Variants in ZNF782 observed in about 807,000 individuals in gnomAD.
ZNF782 encodes the protein zinc finger protein 782.
ZNF782 carries 12 observed loss-of-function variants against 13.0 expected under a neutral mutation model. The ratio of observed to expected loss-of-function variants is 0.92; its 90% CI spans 0.59 to 1.50. ZNF782 has a LOEUF of 1.50. Among genes scored for constraint, ZNF782 ranks in the 40% most tolerant of loss-of-function variants. ZNF782 has a pLI of 0.00. For synonymous variants in ZNF782, 284 were observed against 283.0 expected, an observed-to-expected ratio of 1.00 and a Z score of -0.04; for missense variants, 770 against 822.9, an observed-to-expected ratio of 0.94 and a Z score of 0.79.
intron 2 of ZNF782, chr9:96,860,518 A>G (rs1471972303): frequency 6.6e-6 from 1 of 152,260 alleles, no homozygotes; most frequent in African/African-American, 2.4e-5. Flanking sequence ...CAAGACCACC[A>G]ATGTGGTGCC....
At chr9:96,887,187 G>A in the ZNF782 span, among the ~76,000 whole-genome samples, 54 of 150,052 alleles carry the variant, frequency 3.6e-4, no homozygotes, top group Non-Finnish European at 5.6e-4. Flanking sequence ...GGTGGCACAC[G>A]CCTGTAATCC....
At chr9:96,888,493 ATAATTT>A in the ZNF782 span, 2 of 151,738 alleles carry the variant, frequency 1.3e-5, no homozygotes, top group Non-Finnish European at 2.9e-5. Flanking sequence ...ACTACTAGAC[ATAATTT>A]TAAAAGTTAT....
chr9:96,826,154 G>C (rs1016045257), intron 5 of ZNF782, among the ~76,000 whole-genome samples: 2 of 152,118 alleles, frequency 1.3e-5, no homozygotes, highest in Non-Finnish European at 2.9e-5. Flanking sequence ...CAACCCAAAT[G>C]TCCAACAATG....
the ZNF782 span, among the ~76,000 whole-genome samples, chr9:96,897,475 T>G: frequency 6.6e-6 from 1 of 152,118 alleles, no homozygotes; most frequent in Non-Finnish European, 1.5e-5. Flanking sequence ...GTGCTGTGGC[T>G]GGGGGAGTCT....
At chr9:96,833,686 CT>C in intron 4 of ZNF782, among the ~76,000 whole-genome samples, 1 of 152,150 alleles carries the variant, frequency 6.6e-6, no homozygotes, top group Non-Finnish European at 1.5e-5. Flanking sequence ...GCATACTATA[CT>C]TTTTAGAAGA....
the ZNF782 span, among the ~76,000 whole-genome samples, chr9:96,920,668 G>C: frequency 3.3e-5 from 5 of 149,846 alleles, no homozygotes; most frequent in African/African-American, 9.9e-5. Context: ...TGTAATCCCA[G>C]CACTTTGGGA....
chr9:96,831,853 G>T (rs1273404747), intron 4 of ZNF782, among the ~76,000 whole-genome samples: 1 of 151,844 alleles, frequency 6.6e-6, no homozygotes, highest in African/African-American at 2.4e-5. Context: ...AATGTTCCAT[G>T]GTATACCTTC....
chr9:96,884,643 C>T, the ZNF782 span, among the ~76,000 whole-genome samples: 3 of 152,078 alleles, frequency 2.0e-5, no homozygotes, highest in Non-Finnish European at 2.9e-5. Context: ...TGTGAGTCAG[C>T]GTCCCACTTT....
At chr9:96,901,586 T>C in the ZNF782 span, among the ~76,000 whole-genome samples, 1 of 152,050 alleles carries the variant, frequency 6.6e-6, no homozygotes, top group Non-Finnish European at 1.5e-5. Context: ...AAAAAAACTT[T>C]ATGGAAGGTT....
intron 3 of ZNF782, among the ~76,000 whole-genome samples, chr9:96,849,507 A>G (rs1163628390): frequency 6.6e-6 from 1 of 152,250 alleles, no homozygotes; most frequent in Non-Finnish European, 1.5e-5. Flanking sequence ...CTTTATACAA[A>G]TATCAACTCA....
At chr9:96,908,205 C>T in the ZNF782 span, among the ~76,000 whole-genome samples, 6 of 151,600 alleles carry the variant, frequency 4.0e-5, no homozygotes, top group Non-Finnish European at 7.4e-5. Context: ...GGTATTGCTG[C>T]GTTGCCCATG....
chr9:96,876,943 C>CAAAAAAAAAAAAAAAAAAA (rs398011569), upstream of ZNF782, among the ~76,000 whole-genome samples: 2 of 42,816 alleles, frequency 4.7e-5, no homozygotes, highest in African/African-American at 8.6e-5. Flanking sequence ...AACTCCGACT[C>CAAAAAAAAAAAAAAAAAAA]AAAAAAAAAA....
chr9:96,909,626 A>G, the ZNF782 span, among the ~76,000 whole-genome samples: 12 of 151,812 alleles, frequency 7.9e-5, 1 homozygote, highest in African/African-American at 2.9e-4. Context: ...CTTTATTAGG[A>G]AAGCCTGAAA....
At chr9:96,932,978 CTTT>C in the ZNF782 span, among the ~76,000 whole-genome samples, 6 of 129,412 alleles carry the variant, frequency 4.6e-5, no homozygotes, top group Non-Finnish European at 9.8e-5. Context: ...CTTTTCTTTT[CTTT>C]TTTTTTTTTT....
chr9:96,901,014 G>C, the ZNF782 span, among the ~76,000 whole-genome samples: 1 of 148,510 alleles, frequency 6.7e-6, no homozygotes, highest in South Asian at 2.1e-4. Flanking sequence ...ACAAAAATTA[G>C]CTGGGCATGG....
chr9:96,830,671 T>G (rs1178753213), intron 4 of ZNF782, among the ~76,000 whole-genome samples: 1 of 152,142 alleles, frequency 6.6e-6, no homozygotes, highest in Non-Finnish European at 1.5e-5. Context: ...AATTTCCAAA[T>G]AGGTTCAATC....
the ZNF782 span, chr9:96,888,882 TC>T: frequency 6.6e-6 from 1 of 152,244 alleles, no homozygotes; most frequent in African/African-American, 2.4e-5. Context: ...GCCAGATGGA[TC>T]CCACAACTGG....
chr9:96,896,277 G>A, the ZNF782 span, among the ~76,000 whole-genome samples: 3 of 152,082 alleles, frequency 2.0e-5, no homozygotes, highest in Non-Finnish European at 2.9e-5. Context: ...ATACACCTTC[G>A]TTGTCCTACC....
upstream of ZNF782, among the ~76,000 whole-genome samples, chr9:96,878,804 T>A (rs1213414216): frequency 2.0e-5 from 3 of 152,196 alleles, no homozygotes. Context: ...AGAGCCAAAA[T>A]GATAGAATTG....
Sources: gnomAD v4.1 joint callset for allele counts (sites outside exome capture counted in the v4.1 genomes callset) on GRCh38, gnomAD v4.1.1 for gene constraint, MANE v1.5 for transcripts, NCBI Gene and HGNC (gene_info 2026-07-23, HGNC 2026-07-21) for gene names.